Variants in TBC1D20 observed in about 807,000 individuals in gnomAD.
TBC1D20 encodes chromosome 20 open reading frame 140.
TBC1D20 carries 12 observed loss-of-function variants against 41.6 expected under a neutral mutation model. That is an observed-to-expected ratio of 0.29 (90% CI 0.18 to 0.47). TBC1D20 has a LOEUF of 0.47. Among genes scored for constraint, TBC1D20 ranks in the 20% least tolerant of loss-of-function variants. TBC1D20 has a pLI of 1.00. For synonymous variants in TBC1D20, 205 were observed against 204.8 expected (o/e 1.00, Z -0.01); for missense variants, 421 against 517.4 (o/e 0.81, Z 1.81).
rs1307609326 is a variant in TBC1D20, at chr20:445,081, G to A, written c.306C>T (p.Asp102=). 6.8e-6 allele frequency: 11 copies of A among 1,606,038 alleles called. No homozygotes were observed. Among genetic ancestry groups the A allele is most frequent in the East Asian group, 6.7e-5 (3 of 44,560 alleles). Residue 102 remains aspartate, a synonymous_variant, in exon 3 of 8, where the codon GAC becomes GAT. Coordinates refer to ENST00000354200, the MANE Select transcript of TBC1D20 (RefSeq NM_144628.4). ...GGAACCGCCGCAATGACCGCCGGAC[G>A]TCCAGCAACACTTGTTGGTAGTCCT... ...MSKDYQQVLL[D]VRRSLRRFPP...
chr20:444,581 ATTT>A (rs568842758), intron 3 of TBC1D20, among the ~76,000 whole-genome samples: 7 of 151,722 alleles, frequency 4.6e-5, no homozygotes, highest in Admixed American at 2.6e-4. Context: ...TTATTTATTT[ATTT>A]TTTTATCTAT....
chr20:447,946 G>C lies in TBC1D20; in HGVS notation c.199C>G (p.Arg67Gly). 3 of 1,614,074 alleles carry C rather than the reference G, an allele frequency of 1.9e-6. No homozygotes were observed. The highest frequency in any genetic ancestry group is 2.5e-6 in the Non-Finnish European group (3 of 1,180,018). ...TTGAGGAGCTTGGGCCACACTTTTC[G>C]TCTGATCTCATCAGTCAGGAGCCCT... ...EGGLLTDEIR[R>G]KVWPKLLNVN... The change falls in exon 2 of 8, where the codon CGA becomes GGA. Residue 67 changes from arginine to glycine, a missense_variant. Arg to Gly is a moderately radical substitution (Grantham distance 125, BLOSUM62 -2). Around this residue, in one of 3 missense-constraint regions of TBC1D20, gnomAD observed 150 missense variants for 151.3 expected, o/e 0.99. Transcript: ENST00000354200.
rs143042596 is a variant in TBC1D20 at position 455,415 on chromosome 20, C to T, written c.70+6921G>A. Among the ~76,000 whole-genome samples, 936 of 152,220 alleles carry T rather than the reference C, an allele frequency of 6.1e-3. 5 individuals are homozygous for T. The highest frequency in any genetic ancestry group is 9.8e-3 in the Non-Finnish European group (667 of 68,012). On this transcript the variant is annotated intron_variant, in intron 1 of 7. Transcript: ENST00000354200. Reference sequence around the variant, plus strand: ...GGCAGATTACCTGAAGTCAGGAGATCGAGACCAGCCTGACCAACATGGTGA... The same window carrying T: ...GGCAGATTACCTGAAGTCAGGAGATTGAGACCAGCCTGACCAACATGGTGA...
chr20:455,928 G>A lies in TBC1D20; in HGVS notation c.70+6408C>T, dbSNP rs568026629. Among the ~76,000 whole-genome samples the A allele has an allele frequency of 4.6e-5, 7 of 151,018 alleles. No individual in the cohort carries two copies. The East Asian group carries it at 7.8e-4, about 17-fold the overall frequency. On this transcript the variant is annotated intron_variant, in intron 1 of 7. Transcript: ENST00000354200. ...GCCTGGGCAACGAGAGCAAAACTCC[G>A]TCTCAAAAAAATAAACAAAATAAAA... is the stretch of plus-strand genomic sequence containing the variant.
Position 438,362 on chromosome 20 carries a change from GA to G in TBC1D20, c.*223del. On this transcript the variant is annotated 3_prime_UTR_variant, in exon 8 of 8. Coordinates refer to ENST00000354200, the MANE Select transcript of TBC1D20 (RefSeq NM_144628.4). ...GAGAGCCCATCCAAAAGCCCACTGG[GA>G]GAGGCATAAGATTCTGTGCCAGGCC... 1 of 553,112 alleles carries G rather than the reference GA, an allele frequency of 1.8e-6. No homozygotes were observed. Among genetic ancestry groups the G allele is most frequent in the Non-Finnish European group, 3.2e-6 (1 of 314,250 alleles). The allele number at this position is 553,112 out of a possible 1,614,324, so 34.3% of individuals were successfully genotyped here.
intron 1 of TBC1D20, among the ~76,000 whole-genome samples, chr20:448,675 C>T (rs1330253317): frequency 7.1e-5 from 10 of 141,022 alleles, no homozygotes; most frequent in African/African-American, 2.4e-4. Context: ...GATGACAGAG[C>T]GAGACTCCGT....
At chr20:443,922 G>A (rs1340904689) in intron 3 of TBC1D20, among the ~76,000 whole-genome samples, 2 of 152,082 alleles carry the variant, frequency 1.3e-5, no homozygotes, top group African/African-American at 2.4e-5. Flanking sequence ...TCAGGAGTTC[G>A]AGAGCAGCCT....
chr20:441,536 G>A, intron 5 of TBC1D20, 52 bp downstream of exon 5: 2 of 1,459,050 alleles, frequency 1.4e-6, no homozygotes, highest in Non-Finnish European at 1.9e-6. Context: ...TCAGGTGTGG[G>A]GGGGTGTGGG....
At position 441,632 on chromosome 20, in the gene TBC1D20, G is replaced by A. The variant is rs754394176; in HGVS notation, c.582C>T (p.Pro194=). 1 of 1,614,114 alleles carries A rather than the reference G, an allele frequency of 6.2e-7. No homozygotes were observed. Among genetic ancestry groups the A allele is most frequent in the Non-Finnish European group, 8.5e-7 (1 of 1,180,026 alleles). Residue 194 remains proline (P), a synonymous_variant, in exon 5 of 8, where the codon CCC becomes CCT. Coordinates refer to ENST00000354200, the MANE Select transcript of TBC1D20 (RefSeq NM_144628.4). ...GCTCTGGATTCACCTGGTCAATGAT[G>A]GGCATCAGATAGTTTAATATATGCT... ...NTKHILNYLM[P]IIDQVNPELH...
At chr20:457,288 T>C (rs1210674553) in intron 1 of TBC1D20, among the ~76,000 whole-genome samples, 1 of 152,032 alleles carries the variant, frequency 6.6e-6, no homozygotes, top group African/African-American at 2.4e-5. Context: ...TCTGTTGCCT[T>C]GGCTGGAGTG....
At chr20:460,587 T>C (rs1207678028) in intron 1 of TBC1D20, among the ~76,000 whole-genome samples, 2 of 152,176 alleles carry the variant, frequency 1.3e-5, no homozygotes, top group African/African-American at 4.8e-5. Flanking sequence ...TAGTAGTTTC[T>C]ACAAAACAGT....
chr20:441,461 TG>T, intron 5 of TBC1D20, 126 bp downstream of exon 5: 1 of 781,536 alleles, frequency 1.3e-6, no homozygotes, highest in Admixed American at 2.1e-5. Flanking sequence ...CTGGAACAAC[TG>T]GGGAGAACTT....
intron 2 of TBC1D20, among the ~76,000 whole-genome samples, chr20:445,840 G>A (rs765552216): frequency 6.6e-6 from 1 of 152,208 alleles, no homozygotes; most frequent in Non-Finnish European, 1.5e-5. Flanking sequence ...TTCCTCACAC[G>A]TAGGCTTCAC....
chr20:459,195 A>C (rs2017590951), intron 1 of TBC1D20, among the ~76,000 whole-genome samples: 1 of 152,228 alleles, frequency 6.6e-6, no homozygotes, highest in East Asian at 1.9e-4. Flanking sequence ...CCGAAAGAGA[A>C]ACATCATAGA....
intron 3 of TBC1D20, among the ~76,000 whole-genome samples, chr20:442,582 T>C (rs1241536023): frequency 6.6e-6 from 1 of 152,228 alleles, no homozygotes; most frequent in Admixed American, 6.5e-5. Context: ...GAAGAAATGG[T>C]GAAATGTGAA....
chr20:444,060 G>C (rs2017286610), intron 3 of TBC1D20, among the ~76,000 whole-genome samples: 1 of 151,964 alleles, frequency 6.6e-6, no homozygotes, highest in African/African-American at 2.4e-5. Flanking sequence ...GAACCTGGGA[G>C]GCGGAGGTTG....
At position 462,394 on chromosome 20, in the gene TBC1D20, C is replaced by T; in HGVS notation, c.12G>A (p.Arg4=). 2 of 1,275,770 alleles carry T rather than the reference C, an allele frequency of 1.6e-6. No homozygotes were observed. The highest frequency in any genetic ancestry group is 2.0e-6 in the Non-Finnish European group (2 of 1,001,702). The allele number at this position is 1,275,770 out of a possible 1,614,324, so 79.0% of individuals were successfully genotyped here. ...AGGTGGGGCCGTCGCCCTGCGCACT[C>T]CGGAGGGCCATGCCCCGGGGCCCCG... MAL[R]SAQGDGPTSG... Residue 4 remains arginine (R), a synonymous_variant, in exon 1 of 8, where the codon CGG becomes CGA. Transcript: ENST00000354200.
In TBC1D20 at chr20:447,643, G is replaced by C. The variant is rs150150482; in HGVS notation, c.256+246C>G. The stretch of plus-strand genomic sequence containing the variant: ...ACCGCACTCCAGCCTGGGTGACAGA[G>C]CAAGACTCCGTCTCAAAAATAAATA... On this transcript the variant is annotated intron_variant, in intron 2 of 7. Transcript: ENST00000354200. Among the ~76,000 whole-genome samples the C allele has an allele frequency of 4.0e-3, 611 of 152,192 alleles. 1 individual carries two copies. Among genetic ancestry groups the C allele is most frequent in the African/African-American group, 0.014 (569 of 41,516 alleles).
At chr20:441,712 G>T in intron 4 of TBC1D20, 23 bp from the exon 5 acceptor site, 5 of 1,610,294 alleles carry the variant, frequency 3.1e-6, no homozygotes, top group Non-Finnish European at 4.2e-6. Context: ...AATTCAATAA[G>T]CCTGGTTACC....
Sources: gnomAD v4.1 joint callset for allele counts (sites outside exome capture counted in the v4.1 genomes callset) on GRCh38, gnomAD v4.1.1 for gene constraint, gnomAD v4.1.1 regional missense constraint, MANE v1.5 for transcripts, NCBI Gene and HGNC (gene_info 2026-07-23, HGNC 2026-07-21) for gene names.